TRPM3: variants seen among roughly 807,000 people sequenced by gnomAD.
The protein encoded by TRPM3 is transient receptor potential cation channel subfamily M member 3, also known as long transient receptor potential channel 3.
In TRPM3, 77 loss-of-function variants were observed where a neutral mutation model predicts 181.2. That is an observed-to-expected ratio of 0.42 (90% CI 0.35 to 0.51). TRPM3 has a LOEUF of 0.51. Ranked by LOEUF, TRPM3 falls within the 20% of genes least tolerant of loss-of-function variation. The pLI is 0.01. For missense variants in TRPM3, 1,759 were observed against 2,196.7 expected (o/e 0.80, Z 3.98); for synonymous variants, 745 against 796.4 (o/e 0.94, Z 1.09).
intron 1 of TRPM3, among the ~76,000 whole-genome samples, chr9:71,118,766 T>C (rs1281941295): frequency 6.6e-6 from 1 of 151,556 alleles, no homozygotes; most frequent in African/African-American, 2.4e-5. Flanking sequence ...TTCATCAAAT[T>C]AACATAGTGG....
intron 1 of TRPM3, among the ~76,000 whole-genome samples, chr9:71,304,682 T>C (rs527354820): frequency 6.6e-6 from 1 of 152,318 alleles, no homozygotes; most frequent in East Asian, 1.9e-4. Context: ...TCAGCAATTG[T>C]ATCTGCAAAA....
At chr9:70,747,319 T>C (rs980191339) in intron 8 of TRPM3, among the ~76,000 whole-genome samples, 2 of 152,086 alleles carry the variant, frequency 1.3e-5, no homozygotes, top group Non-Finnish European at 2.9e-5. Context: ...CACATGCAAA[T>C]GCAGACATGT....
chr9:70,940,774 A>G (rs1216106182), intron 1 of TRPM3, among the ~76,000 whole-genome samples: 1 of 152,084 alleles, frequency 6.6e-6, no homozygotes, highest in Non-Finnish European at 1.5e-5. Context: ...TGGAGAGTGG[A>G]GGGAAGGAGA....
At chr9:71,208,893 T>C (rs142614257) in intron 1 of TRPM3, among the ~76,000 whole-genome samples, 11 of 152,312 alleles carry the variant, frequency 7.2e-5, no homozygotes, top group African/African-American at 2.6e-4. Flanking sequence ...TTTTATCACA[T>C]ATTTTGGAAA....
chr9:70,882,145 T>C (rs1422233191), intron 1 of TRPM3, among the ~76,000 whole-genome samples: 3 of 152,190 alleles, frequency 2.0e-5, no homozygotes, highest in Non-Finnish European at 4.4e-5. Flanking sequence ...CATAAATCCT[T>C]GGCCACACAG....
chr9:70,849,487 G>A (rs1283502213), intron 3 of TRPM3, among the ~76,000 whole-genome samples: 1 of 152,128 alleles, frequency 6.6e-6, no homozygotes, highest in Non-Finnish European at 1.5e-5. Flanking sequence ...GGACTTATGT[G>A]ATCCAAAATG....
In TRPM3 at chr9:70,776,368, C is replaced by T. The variant is rs945874102; in HGVS notation, c.1148+7737G>A. On this transcript the variant is annotated intron_variant, in intron 7 of 25. Coordinates refer to ENST00000677713, the MANE Select transcript of TRPM3 (RefSeq NM_001366145.2). Reference sequence around the variant, plus strand: ...GAGCTTCCAATGCTGGCCCCTGGAACCCTGCCTCTCAGCTGAGAGGACCGT... The same window carrying T: ...GAGCTTCCAATGCTGGCCCCTGGAATCCTGCCTCTCAGCTGAGAGGACCGT... 4.4e-6 allele frequency: 3 copies of T among 674,286 alleles called. No homozygotes were observed. The African/African-American group carries it at 5.4e-5, about 12-fold the overall frequency. 41.8% of individuals were successfully genotyped at this position (674,286 alleles called of 1,614,324 possible).
At chr9:71,353,102 C>G (rs2091731760) in intron 1 of TRPM3, among the ~76,000 whole-genome samples, 1 of 152,120 alleles carries the variant, frequency 6.6e-6, no homozygotes, top group Non-Finnish European at 1.5e-5. Context: ...ACCACCTGCT[C>G]TCTCTGCTTG....
intron 18 of TRPM3, among the ~76,000 whole-genome samples, chr9:70,614,461 A>G (rs1442512520): frequency 6.6e-6 from 1 of 151,982 alleles, no homozygotes; most frequent in Non-Finnish European, 1.5e-5. Flanking sequence ...ACACCATTTT[A>G]CTCCAGCCTG....
chr9:71,097,533 A>C (rs919731094), intron 1 of TRPM3, among the ~76,000 whole-genome samples: 14 of 152,036 alleles, frequency 9.2e-5, no homozygotes, highest in Admixed American at 5.3e-4. Context: ...ATCACAGAGA[A>C]CTTTCTGATA....
intron 1 of TRPM3, among the ~76,000 whole-genome samples, chr9:71,417,457 T>C (rs1588933996): frequency 6.6e-6 from 1 of 152,106 alleles, no homozygotes; most frequent in East Asian, 1.9e-4. Context: ...AAGTTACTGT[T>C]CAAATCTTTG....
intron 1 of TRPM3, among the ~76,000 whole-genome samples, chr9:71,117,864 T>A (rs2072771518): frequency 1.3e-5 from 2 of 152,194 alleles, no homozygotes; most frequent in African/African-American, 4.8e-5. Context: ...GCAACCCATT[T>A]TTCAGAAGCC....
At chr9:70,999,561 T>A (rs552298650) in intron 1 of TRPM3, among the ~76,000 whole-genome samples, 1 of 152,212 alleles carries the variant, frequency 6.6e-6, no homozygotes, top group Non-Finnish European at 1.5e-5. Flanking sequence ...AACTCCAGTG[T>A]ATTATTTCTC....
At chr9:70,653,053 G>A (rs371150307) in intron 9 of TRPM3, among the ~76,000 whole-genome samples, 5 of 152,206 alleles carry the variant, frequency 3.3e-5, no homozygotes, top group Admixed American at 1.3e-4. Flanking sequence ...AAAAGCCCTC[G>A]GAAAGGGAAA....
At chr9:71,417,607 A>G (rs1478270205) in intron 1 of TRPM3, among the ~76,000 whole-genome samples, 1 of 152,044 alleles carries the variant, frequency 6.6e-6, no homozygotes, top group Non-Finnish European at 1.5e-5. Flanking sequence ...TTAAATTAGT[A>G]AATAAAAATT....
chr9:70,650,673 T>A (rs911905825), intron 9 of TRPM3, among the ~76,000 whole-genome samples: 3 of 152,198 alleles, frequency 2.0e-5, no homozygotes, highest in African/African-American at 7.2e-5. Flanking sequence ...TTCTCTTTAA[T>A]CCCCATGAAC....
At chr9:71,393,340 T>G (rs1411849296) in intron 1 of TRPM3, among the ~76,000 whole-genome samples, 1 of 152,160 alleles carries the variant, frequency 6.6e-6, no homozygotes. Context: ...TGAGAAAATA[T>G]CTTTTTATTT....
At chr9:70,778,291 CTGTGCTCTTGTGACCTTT>C (rs1236073450) in intron 7 of TRPM3, among the ~76,000 whole-genome samples, 4 of 152,180 alleles carry the variant, frequency 2.6e-5, no homozygotes, top group Admixed American at 2.6e-4. Flanking sequence ...ATTTTACCCT[CTGTGCTCTTGTGACCTTT>C]TGTGCCTTTA....
intron 1 of TRPM3, among the ~76,000 whole-genome samples, chr9:71,221,919 G>A (rs1293689852): frequency 6.6e-6 from 1 of 152,222 alleles, no homozygotes; most frequent in Non-Finnish European, 1.5e-5. Flanking sequence ...GTGAATGTGT[G>A]TGCCCAGTCG....
Sources: allele counts gnomAD v4.1 joint callset (sites outside exome capture counted in the v4.1 genomes callset), GRCh38; gene constraint gnomAD v4.1.1; transcripts MANE v1.5; gene names NCBI Gene and HGNC (gene_info 2026-07-23, HGNC 2026-07-21).